NHERF2: variants seen among roughly 807,000 people sequenced by gnomAD.
NHERF2 encodes Na(+)/H(+) exchange regulatory cofactor NHE-RF2.
At chr16:2,036,107 G>GGGGA in the NHERF2 span, 1 of 523,880 alleles carries the variant, frequency 1.9e-6, no homozygotes, top group Non-Finnish European at 3.3e-6. Context: ...TGGGCCCGTC[G>GGGGA]GGGAGGCTTC....
the NHERF2 span, among the ~76,000 whole-genome samples, chr16:2,037,179 C>T: frequency 2.6e-5 from 4 of 152,332 alleles, no homozygotes; most frequent in South Asian, 8.3e-4. Flanking sequence ...ACACAAGCCA[C>T]GTGGGGCCCC....
chr16:2,030,972 C>T, the NHERF2 span, among the ~76,000 whole-genome samples: 2 of 152,218 alleles, frequency 1.3e-5, no homozygotes, highest in East Asian at 3.9e-4. Context: ...GAAAGAAATC[C>T]CTTCAGGGGA....
chr16:2,037,437 G>A, the NHERF2 span: 1 of 1,140,372 alleles, frequency 8.8e-7, no homozygotes, highest in Non-Finnish European at 1.3e-6. Flanking sequence ...CCTGCCGAGT[G>A]GAGGAGCACA....
the NHERF2 span, among the ~76,000 whole-genome samples, chr16:2,034,084 T>G: frequency 6.6e-6 from 1 of 152,168 alleles, no homozygotes; most frequent in Non-Finnish European, 1.5e-5. Flanking sequence ...CAGATCCTGC[T>G]TCCTGTCTGG....
At chr16:2,038,174 T>C in the NHERF2 span, 3 of 629,824 alleles carry the variant, frequency 4.8e-6, no homozygotes, top group Non-Finnish European at 8.2e-6. Flanking sequence ...GGCAGCAAGA[T>C]AGGGGGAGAG....
chr16:2,037,451 T>TG, the NHERF2 span: 55,057 of 1,084,972 alleles, frequency 0.051, 533 homozygotes, highest in African/African-American at 0.11. Flanking sequence ...GAGCACACAC[T>TG]GGGGGGGGGT....
the NHERF2 span, chr16:2,029,894 C>T: frequency 1.1e-6 from 1 of 901,666 alleles, no homozygotes; most frequent in Non-Finnish European, 1.7e-6. Flanking sequence ...TCTCTTCTGC[C>T]TTTTGGGGCT....
At chr16:2,038,558 T>A in the NHERF2 span, 3 of 339,128 alleles carry the variant, frequency 8.8e-6, no homozygotes, top group Non-Finnish European at 1.7e-5. Context: ...AGTGGCCAAG[T>A]TGGGGCGCCC....
chr16:2,036,446 G>A, the NHERF2 span: 19 of 1,604,348 alleles, frequency 1.2e-5, no homozygotes, highest in African/African-American at 1.2e-4. Flanking sequence ...TCCGCTCTGT[G>A]GACCCGGGCT....
the NHERF2 span, chr16:2,033,058 G>T: frequency 4.6e-6 from 6 of 1,301,900 alleles, no homozygotes; most frequent in African/African-American, 3.0e-5. Context: ...ACTCCTCCCT[G>T]TCCCCTCAGC....
chr16:2,033,144 G>C, the NHERF2 span: 2 of 1,413,010 alleles, frequency 1.4e-6, no homozygotes, highest in African/African-American at 1.4e-5. Flanking sequence ...CTAGCTGGGT[G>C]GGGGGCGCCA....
At chr16:2,033,457 G>A in the NHERF2 span, 1 of 1,501,534 alleles carries the variant, frequency 6.7e-7, no homozygotes, top group Non-Finnish European at 8.9e-7. Context: ...GAGGAAGGGA[G>A]GGCTAGGAGG....
At chr16:2,026,915 C>A in the NHERF2 span, 2 of 397,268 alleles carry the variant, frequency 5.0e-6, no homozygotes, top group Non-Finnish European at 6.8e-6. Flanking sequence ...CAGGAGCCGC[C>A]GCTGAAGCCA....
chr16:2,029,566 C>T, the NHERF2 span: 37 of 1,557,186 alleles, frequency 2.4e-5, no homozygotes, highest in South Asian at 3.2e-4. Context: ...CCGCTCCTAT[C>T]GCCCATTCGC....
At chr16:2,029,893 C>T in the NHERF2 span, 10 of 905,540 alleles carry the variant, frequency 1.1e-5, no homozygotes, top group East Asian at 5.3e-5. Context: ...GTCTCTTCTG[C>T]CTTTTGGGGC....
chr16:2,033,024 A>G, the NHERF2 span: 2 of 1,219,814 alleles, frequency 1.6e-6, no homozygotes, highest in Non-Finnish European at 2.1e-6. Context: ...CCTCAACAGG[A>G]CCGTCCTGTG....
chr16:2,028,920 C>T, the NHERF2 span, among the ~76,000 whole-genome samples: 1 of 152,228 alleles, frequency 6.6e-6, no homozygotes, highest in Admixed American at 6.5e-5. Flanking sequence ...CCTGCCTCTC[C>T]CCCTCGCCGG....
the NHERF2 span, among the ~76,000 whole-genome samples, chr16:2,031,773 C>T: frequency 6.6e-6 from 1 of 152,168 alleles, no homozygotes; most frequent in Non-Finnish European, 1.5e-5. Flanking sequence ...CTCACTACAA[C>T]CTCCGCTGTC....
chr16:2,029,703 TCC>T, the NHERF2 span: 1 of 1,509,498 alleles, frequency 6.6e-7, no homozygotes, highest in Non-Finnish European at 9.0e-7. Context: ...CAGCGAGGGC[TCC>T]CACCCGCCCA....
Sources: gnomAD v4.1 joint callset for allele counts (sites outside exome capture counted in the v4.1 genomes callset) on GRCh38, gnomAD v4.1.1 for gene constraint, MANE v1.5 for transcripts, NCBI Gene and HGNC (gene_info 2026-07-23, HGNC 2026-07-21) for gene names.